LBP: variants seen among roughly 807,000 people sequenced by gnomAD.
The protein encoded by LBP is lipopolysaccharide-binding protein.
A neutral mutation model predicts 56.6 loss-of-function variants in LBP; 53 were observed. The ratio of observed to expected loss-of-function variants is 0.94; its 90% confidence interval spans 0.75 to 1.18. The LOEUF is 1.18. LBP is among the 50% of genes most tolerant of loss of function. LBP has a pLI of 0.00. For synonymous variants in LBP, 227 were observed against 247.5 expected (o/e 0.92, Z 0.78); for missense variants, 601 against 598.3 (o/e 1.00, Z -0.05).
At position 38,354,414 on chromosome 20, in the gene LBP, G is replaced by C. The variant is rs770900154; in HGVS notation, c.499G>C (p.Glu167Gln). Residue 167 changes from glutamate (E) to glutamine (Q), a missense_variant, in exon 4 of 15, where the codon GAG becomes CAG. Transcript: ENST00000217407. ...CTGCAGCAGTGACATCGCTGACGTG[G>C]AGGTGGACATGTCGGGAGACTTGGG... ...SSCSSDIADVEVDMSGDLGWL... is the reference protein window; with the variant it reads ...SSCSSDIADVQVDMSGDLGWL... The C allele has an allele frequency of 6.8e-6, 11 of 1,612,982 alleles. No individual in the cohort carries two copies. The highest frequency in any genetic ancestry group is 2.2e-5 in the East Asian group (1 of 44,852).
intron 3 of LBP, 116 bp from the exon 4 acceptor site, chr20:38,354,168 A>T: frequency 1.3e-6 from 1 of 787,784 alleles, no homozygotes; most frequent in Non-Finnish European, 2.0e-6. Flanking sequence ...TGTTATTCTT[A>T]AATCTCTGCT....
At chr20:38,373,871 G>T in intron 13 of LBP, 66 bp from the exon 14 acceptor site, 1 of 1,421,424 alleles carries the variant, frequency 7.0e-7, no homozygotes, top group Non-Finnish European at 9.9e-7. Context: ...AACATTTTCG[G>T]TAAAAATCTG....
At chr20:38,353,482 T>C (rs1021606405) in intron 3 of LBP, among the ~76,000 whole-genome samples, 36 of 1,524 alleles carry the variant, frequency 0.024, 1 homozygote, top group African/African-American at 0.16. Flanking sequence ...CTGCTTCCTT[T>C]TTTTTTTTTT....
chr20:38,349,730 G>A, intron 2 of LBP, 68 bp downstream of exon 2: 2 of 1,122,030 alleles, frequency 1.8e-6, no homozygotes, highest in South Asian at 1.5e-5. Flanking sequence ...ATTGGAGAGT[G>A]AGGAAGAGAG....
At chr20:38,369,504 A>G (rs900125693) in intron 10 of LBP, among the ~76,000 whole-genome samples, 4 of 144,552 alleles carry the variant, frequency 2.8e-5, no homozygotes, top group African/African-American at 8.4e-5. Context: ...CTATTTGTCT[A>G]TTTTGACCTT....
Position 38,377,010 on chromosome 20 carries a change from A to G in LBP, c.*341A>G, listed in dbSNP as rs2083964307. ...GTCCTCAATAAATATTTATTAAATG[A>G]TGAGATGATGGAATCACCTGGTATT... On this transcript the variant is annotated 3_prime_UTR_variant, in exon 15 of 15. Coordinates refer to ENST00000217407, the MANE Select transcript of LBP (RefSeq NM_004139.5). 2.1e-6 allele frequency: 1 copy of G among 475,140 alleles called. No individual in the cohort carries two copies. The highest frequency in any genetic ancestry group is 4.2e-6 in the Non-Finnish European group (1 of 240,200). The allele number at this position is 475,140 out of a possible 1,614,324, so 29.4% of individuals were successfully genotyped here. A position where few individuals can be genotyped will look rare whatever the true frequency, so the allele number is the denominator to read the frequency against.
chr20:38,360,336 T>C (rs1052662695), intron 5 of LBP, among the ~76,000 whole-genome samples: 2 of 152,164 alleles, frequency 1.3e-5, no homozygotes, highest in Non-Finnish European at 2.9e-5. Flanking sequence ...AGTGTCTAGT[T>C]CTGCTATTAA....
At chr20:38,369,764 T>C (rs938525906) in intron 10 of LBP, among the ~76,000 whole-genome samples, 2 of 152,220 alleles carry the variant, frequency 1.3e-5, no homozygotes, top group African/African-American at 4.8e-5. Context: ...AATCTCTGGG[T>C]GGCCTCACCA....
At chr20:38,364,137 TC>T in intron 7 of LBP, 71 bp downstream of exon 7, 5 of 1,009,726 alleles carry the variant, frequency 5.0e-6, no homozygotes, top group Non-Finnish European at 6.2e-6. Context: ...GGGCCACCTG[TC>T]CCCCCAACTT....
At chr20:38,364,171 G>C in intron 7 of LBP, 105 bp downstream of exon 7, 1 of 768,794 alleles carries the variant, frequency 1.3e-6, no homozygotes, top group Admixed American at 2.2e-5. Context: ...CATCCTCCCA[G>C]TGGTTCCCGC....
At chr20:38,360,240 A>ACAT (rs1568830777) in intron 5 of LBP, among the ~76,000 whole-genome samples, 1 of 149,286 alleles carries the variant, frequency 6.7e-6, no homozygotes, top group Non-Finnish European at 1.5e-5. Context: ...AGCCTGGCCA[A>ACAT]CAGGGCGAGA....
intron 5 of LBP, among the ~76,000 whole-genome samples, chr20:38,359,403 A>G (rs1424050310): frequency 6.6e-6 from 1 of 152,078 alleles, no homozygotes; most frequent in Admixed American, 6.5e-5. Context: ...CAACATGGTG[A>G]GACCCCAGTC....
intron 8 of LBP, among the ~76,000 whole-genome samples, chr20:38,365,725 T>A (rs1194839010): frequency 1.5e-4 from 17 of 110,680 alleles, no homozygotes; most frequent in African/African-American, 6.0e-4. Context: ...AAAATATATA[T>A]ATATATATAT....
chr20:38,353,232 A>C (rs1429174496), intron 3 of LBP, among the ~76,000 whole-genome samples: 1 of 152,204 alleles, frequency 6.6e-6, no homozygotes, highest in Non-Finnish European at 1.5e-5. Context: ...CATGTAGTAC[A>C]TTCACAATTT....
At chr20:38,360,282 A>G (rs563047534) in intron 5 of LBP, among the ~76,000 whole-genome samples, 1 of 151,988 alleles carries the variant, frequency 6.6e-6, no homozygotes, top group South Asian at 2.1e-4. Flanking sequence ...AAACAAAAAA[A>G]CTATCTACAT....
chr20:38,368,276 G>C (rs1325860946), intron 9 of LBP, among the ~76,000 whole-genome samples: 1 of 152,080 alleles, frequency 6.6e-6, no homozygotes, highest in African/African-American at 2.4e-5. Flanking sequence ...TTTTCTGGAG[G>C]ACAATTTGGC....
intron 5 of LBP, among the ~76,000 whole-genome samples, chr20:38,357,579 C>T (rs962935409): frequency 4.6e-5 from 7 of 152,178 alleles, no homozygotes; most frequent in African/African-American, 1.7e-4. Flanking sequence ...TGATCCAGAA[C>T]CTCAAGAGAG....
chr20:38,376,787 G>T lies in LBP; in HGVS notation c.*118G>T, dbSNP rs962009788. 1 of 1,030,158 alleles carries T rather than the reference G, an allele frequency of 9.7e-7. No homozygotes were observed. The allele number at this position is 1,030,158 out of a possible 1,614,324, so 63.8% of individuals were successfully genotyped here. ...GACATTTCTGCTCTCAGCTCCGGGG[G>T]TGAGGTGTGCCTGGCCTCTGCCTCC... On this transcript the variant is annotated 3_prime_UTR_variant, in exon 15 of 15. Coordinates refer to ENST00000217407, the MANE Select transcript of LBP (RefSeq NM_004139.5).
chr20:38,357,712 T>G (rs1316705904), intron 5 of LBP, among the ~76,000 whole-genome samples: 1 of 152,208 alleles, frequency 6.6e-6, no homozygotes, highest in African/African-American at 2.4e-5. Context: ...CATGGGCTGC[T>G]CAGTCGCGTA....
Sources: gnomAD v4.1 joint callset for allele counts (sites outside exome capture counted in the v4.1 genomes callset) on GRCh38, gnomAD v4.1.1 for gene constraint, MANE v1.5 for transcripts, NCBI Gene and HGNC (gene_info 2026-07-23, HGNC 2026-07-21) for gene names.